CFAP44: variants seen among roughly 807,000 people sequenced by gnomAD.
The protein encoded by CFAP44 is cilia- and flagella-associated protein 44.
Under a neutral mutation model 216.2 loss-of-function variants are expected in CFAP44, and 134 were observed. That is an observed-to-expected ratio of 0.62 (90% CI 0.54 to 0.72). CFAP44 has a LOEUF of 0.72. Among genes scored for constraint, CFAP44 ranks in the 30% least tolerant of loss-of-function variants. The pLI is 0.00. For missense variants in CFAP44, 2,035 were observed against 2,182.1 expected, an observed-to-expected ratio of 0.93 and a Z score of 1.34; for synonymous variants, 700 against 727.6, an observed-to-expected ratio of 0.96 and a Z score of 0.61.
intron 13 of CFAP44, among the ~76,000 whole-genome samples, chr3:113,398,547 T>C (rs1184609814): frequency 6.6e-6 from 1 of 152,144 alleles, no homozygotes; most frequent in Non-Finnish European, 1.5e-5. Context: ...TGGATTGTAG[T>C]TTTAAGACTT....
rs546620976 is a variant in CFAP44, at chr3:113,385,270, A to G, written c.1891-4210T>C. The stretch of plus-strand genomic sequence containing the variant: ...GGGTATGTCTTTATCAGTAGTGTGA[A>G]AACAGACTAATACAATTTCATTCAG... On this transcript the variant is annotated intron_variant, in intron 15 of 34. Transcript: ENST00000393845. 9.2e-5 allele frequency among the ~76,000 whole-genome samples: 14 copies of G among 152,340 alleles called. No homozygotes were observed. The South Asian group carries it at 2.9e-3, about 32-fold the overall frequency.
At chr3:113,315,658 CTT>C (rs1382345611) in intron 28 of CFAP44, among the ~76,000 whole-genome samples, 1 of 152,134 alleles carries the variant, frequency 6.6e-6, no homozygotes, top group Non-Finnish European at 1.5e-5. Context: ...AACGTTTTGA[CTT>C]ATGATTTTTC....
At chr3:113,351,140 A>G (rs1950441279) in intron 22 of CFAP44, among the ~76,000 whole-genome samples, 1 of 152,252 alleles carries the variant, frequency 6.6e-6, no homozygotes, top group Non-Finnish European at 1.5e-5. Context: ...TACTTACAGA[A>G]TCAGGAAGGA....
intron 15 of CFAP44, among the ~76,000 whole-genome samples, chr3:113,385,189 C>A (rs1398820804): frequency 1.3e-5 from 2 of 152,168 alleles, no homozygotes; most frequent in Non-Finnish European, 2.9e-5. Context: ...GCCTCCCCAG[C>A]CATGAGGAAC....
At chr3:113,365,734 A>C (rs1040016718) in intron 19 of CFAP44, among the ~76,000 whole-genome samples, 1 of 152,170 alleles carries the variant, frequency 6.6e-6, no homozygotes, top group Non-Finnish European at 1.5e-5. Context: ...AAAAAATTGC[A>C]AACTTTGAAA....
At chr3:113,430,320 C>G (rs1271071639) in intron 2 of CFAP44, among the ~76,000 whole-genome samples, 1 of 149,264 alleles carries the variant, frequency 6.7e-6, no homozygotes, top group African/African-American at 2.5e-5. Context: ...ATAGCTAAAG[C>G]AGTCCTTGGA....
At chr3:113,369,777 A>G (rs187688640) in intron 18 of CFAP44, among the ~76,000 whole-genome samples, 30 of 152,300 alleles carry the variant, frequency 2.0e-4, no homozygotes, top group Admixed American at 1.3e-4. Flanking sequence ...CAAAAAATCA[A>G]TGAATCCAGG....
rs1933445561 is a variant in CFAP44 at position 113,379,435 on chromosome 3, C to T, written c.2169G>A (p.Gln723=). 1 of 1,612,922 alleles carries T rather than the reference C, an allele frequency of 6.2e-7. No individual in the cohort carries two copies. Among genetic ancestry groups the T allele is most frequent in the Non-Finnish European group, 8.5e-7 (1 of 1,179,074 alleles). The change falls in exon 17 of 35, where the codon CAG becomes CAA. Residue 723 remains glutamine, a synonymous_variant. Transcript: ENST00000393845. ...CCTCCTCTTTCTCCTCTTCCTCCTC[C>T]TGAAATTCTTTTTCTCCATCTTCTC... ...EMGEDGEKEF[Q]EEEEEKEEEE... is the part of the protein sequence containing the mutation.
At chr3:113,346,718 CGCACTCTGTAAAATGGACCAATCA>C (rs937793775) in intron 22 of CFAP44, among the ~76,000 whole-genome samples, 4 of 152,042 alleles carry the variant, frequency 2.6e-5, no homozygotes, top group South Asian at 2.1e-4. Context: ...GGCACCAATC[CGCACTCTGTAAAATGGACCAATCA>C]GCACTCTGTA....
chr3:113,379,802 G>A (rs905126759), intron 16 of CFAP44, among the ~76,000 whole-genome samples: 2 of 152,112 alleles, frequency 1.3e-5, no homozygotes, highest in East Asian at 3.9e-4. Context: ...TCATAATAGA[G>A]AAGCTAAATA....
At chr3:113,384,495 C>A (rs901815827) in intron 15 of CFAP44, among the ~76,000 whole-genome samples, 3 of 152,156 alleles carry the variant, frequency 2.0e-5, no homozygotes. Flanking sequence ...GGGGATAGAT[C>A]TTTAAAAGAG....
At chr3:113,313,274 A>T (rs1305772808) in intron 28 of CFAP44, among the ~76,000 whole-genome samples, 1 of 152,100 alleles carries the variant, frequency 6.6e-6, no homozygotes, top group Non-Finnish European at 1.5e-5. Flanking sequence ...TCAGACTTGC[A>T]TGGGCCCTGT....
At chr3:113,299,061 A>C (rs1296577348) in intron 32 of CFAP44, among the ~76,000 whole-genome samples, 1 of 152,246 alleles carries the variant, frequency 6.6e-6, no homozygotes, top group Non-Finnish European at 1.5e-5. Context: ...AGATTAATAA[A>C]TTAAAATCAC....
intron 24 of CFAP44, among the ~76,000 whole-genome samples, chr3:113,340,094 G>A (rs1418511563): frequency 6.6e-6 from 1 of 152,120 alleles, no homozygotes; most frequent in African/African-American, 2.4e-5. Flanking sequence ...CGTGACTGTT[G>A]GGCTCGACCC....
intron 1 of CFAP44, chr3:113,434,937 C>G (rs1935199513): frequency 1.3e-5 from 2 of 152,224 alleles, no homozygotes; most frequent in African/African-American, 4.8e-5. Context: ...AGTATGATGA[C>G]TGTCTCCCTT....
chr3:113,313,281 C>T (rs148479680), intron 28 of CFAP44, among the ~76,000 whole-genome samples: 25 of 152,204 alleles, frequency 1.6e-4, no homozygotes, highest in Admixed American at 7.8e-4. Flanking sequence ...TGCATGGGCC[C>T]TGTAATCTCT....
chr3:113,340,615 G>A (rs957298005), intron 24 of CFAP44, among the ~76,000 whole-genome samples: 7 of 152,188 alleles, frequency 4.6e-5, no homozygotes, highest in African/African-American at 1.7e-4. Context: ...ACCTCTAGGG[G>A]AGCATACAGG....
chr3:113,367,669 C>G lies in CFAP44; in HGVS notation c.2445-1360G>C, dbSNP rs190012012. Among the ~76,000 whole-genome samples the G allele has an allele frequency of 1.9e-3, 283 of 152,254 alleles. 2 individuals are homozygous for G. The highest frequency in any genetic ancestry group is 5.5e-3 in the African/African-American group (230 of 41,552). ...CTGAAAATTCCAAAAACCAGAGCAC[C>G]TCTTCTCCTCCAAAGGATCACAGCT... On this transcript the variant is annotated intron_variant, in intron 18 of 34. Transcript: ENST00000393845.
At chr3:113,334,988 GT>G (rs1382776372) in intron 24 of CFAP44, among the ~76,000 whole-genome samples, 4 of 151,924 alleles carry the variant, frequency 2.6e-5, no homozygotes, top group Admixed American at 2.0e-4. Flanking sequence ...ATTTATTTGT[GT>G]AAAACTGCAC....
Sources: allele counts gnomAD v4.1 joint callset (sites outside exome capture counted in the v4.1 genomes callset), GRCh38; gene constraint gnomAD v4.1.1; transcripts MANE v1.5; gene names NCBI Gene and HGNC (gene_info 2026-07-23, HGNC 2026-07-21).